PRICKLE2: variants seen among roughly 807,000 people sequenced by gnomAD.
PRICKLE2 encodes the protein prickle-like protein 2.
In PRICKLE2, 21 loss-of-function variants were observed where a neutral mutation model predicts 81.4. The ratio of observed to expected loss-of-function variants is 0.26; its 90% CI spans 0.18 to 0.37. The LOEUF (loss-of-function observed/expected upper bound fraction) is 0.37. Ranked by LOEUF, PRICKLE2 falls within the 10% of genes least tolerant of loss-of-function variation. The pLI is 1.00. For missense variants in PRICKLE2, 940 were observed against 1,109.0 expected (o/e 0.85, Z 2.16); for synonymous variants, 456 against 421.5 (o/e 1.08, Z -1.00).
At chr3:64,219,341 G>C (rs2107146504) in intron 1 of PRICKLE2, among the ~76,000 whole-genome samples, 1 of 152,270 alleles carries the variant, frequency 6.6e-6, no homozygotes, top group East Asian at 1.9e-4. Flanking sequence ...ATTTTAGTTA[G>C]AACCTGATGT....
chr3:64,104,140 A>C (rs1304368220), intron 7 of PRICKLE2, among the ~76,000 whole-genome samples: 2 of 152,254 alleles, frequency 1.3e-5, no homozygotes, highest in East Asian at 3.8e-4. Flanking sequence ...TCAGGGCAAT[A>C]GCAGCTGGGG....
intron 1 of PRICKLE2, among the ~76,000 whole-genome samples, chr3:64,214,051 C>T (rs1434378383): frequency 6.6e-6 from 1 of 152,146 alleles, no homozygotes; most frequent in Middle Eastern, 3.2e-3. Context: ...TATTAGGCCG[C>T]CTTTCATCCA....
At chr3:64,243,925 T>C (rs953247591) in intron 2 of PRICKLE2, among the ~76,000 whole-genome samples, 1 of 152,204 alleles carries the variant, frequency 6.6e-6, no homozygotes, top group African/African-American at 2.4e-5. Flanking sequence ...GTGAGCCTCC[T>C]AGTATGTTAT....
At chr3:64,183,208 C>T (rs1181235005) in intron 2 of PRICKLE2, among the ~76,000 whole-genome samples, 2 of 151,970 alleles carry the variant, frequency 1.3e-5, no homozygotes, top group African/African-American at 4.8e-5. Context: ...TACAATTAGG[C>T]AAGATATAAA....
intron 7 of PRICKLE2, among the ~76,000 whole-genome samples, chr3:64,130,431 C>T (rs1036743362): frequency 1.1e-4 from 16 of 152,188 alleles, no homozygotes; most frequent in Non-Finnish European, 1.0e-4. Context: ...GTCTATCTAA[C>T]GCTCAAGATC....
intron 7 of PRICKLE2, among the ~76,000 whole-genome samples, chr3:64,107,180 C>T (rs763159604): frequency 3.3e-5 from 5 of 152,060 alleles, no homozygotes; most frequent in Non-Finnish European, 7.4e-5. Flanking sequence ...GCATCCAATT[C>T]AGCCTGTGGT....
intron 7 of PRICKLE2, among the ~76,000 whole-genome samples, chr3:64,112,679 G>T (rs1028253063): frequency 6.6e-6 from 1 of 152,154 alleles, no homozygotes; most frequent in Non-Finnish European, 1.5e-5. Context: ...TTAAACTAAA[G>T]AGCTTCTGCA....
intron 4 of PRICKLE2, 53 bp downstream of exon 4, chr3:64,159,887 G>A (rs1255184759): frequency 6.2e-7 from 1 of 1,608,616 alleles, no homozygotes; most frequent in East Asian, 2.2e-5. Flanking sequence ...ATGAATGAAT[G>A]GGTGAAAAGA....
intron 1 of PRICKLE2, chr3:64,199,256 G>A: frequency 1.8e-6 from 1 of 549,346 alleles, no homozygotes; most frequent in South Asian, 2.2e-5. Context: ...CAAGAGGAAT[G>A]GTAATATAGT....
intron 2 of PRICKLE2, among the ~76,000 whole-genome samples, chr3:64,249,624 T>C (rs2079414725): frequency 6.6e-6 from 1 of 152,216 alleles, no homozygotes; most frequent in South Asian, 2.1e-4. Flanking sequence ...AAAAATGATG[T>C]GAAGACTCCA....
At chr3:64,231,473 G>T (rs1043402071) in intron 2 of PRICKLE2, among the ~76,000 whole-genome samples, 4 of 151,902 alleles carry the variant, frequency 2.6e-5, no homozygotes, top group African/African-American at 9.7e-5. Context: ...AAAGGACTAG[G>T]AGAACAACAA....
At position 64,256,477 on chromosome 3, in the gene PRICKLE2, C is replaced by T. The variant is rs2079527230; in HGVS notation, c.129-57510G>A. On this transcript the variant is annotated intron_variant, in intron 2 of 8. Transcript: ENST00000295902. ...GATTTTGCCTCTTGACTTGCATAAC[C>T]TAAAACATTTACTATTTGGCTCTAC... Among the ~76,000 whole-genome samples, 5 of 151,974 alleles carry T rather than the reference C, an allele frequency of 3.3e-5. 1 individual carries two copies. The highest frequency in any genetic ancestry group is 3.3e-4 in the Admixed American group (5 of 15,268).
intron 7 of PRICKLE2, among the ~76,000 whole-genome samples, chr3:64,122,906 G>A (rs188550298): frequency 1.3e-5 from 2 of 152,196 alleles, no homozygotes; most frequent in African/African-American, 2.4e-5. Flanking sequence ...ACCTGGAAGA[G>A]AGGGAGGAAC....
intron 7 of PRICKLE2, among the ~76,000 whole-genome samples, chr3:64,133,917 T>C (rs1241407975): frequency 6.6e-6 from 1 of 152,194 alleles, no homozygotes; most frequent in South Asian, 2.1e-4. Flanking sequence ...CTTCTATCCC[T>C]TTCTATTAGA....
intron 2 of PRICKLE2, among the ~76,000 whole-genome samples, chr3:64,247,775 C>G (rs2079379518): frequency 6.6e-6 from 1 of 152,196 alleles, no homozygotes; most frequent in East Asian, 1.9e-4. Context: ...GACTTCATGA[C>G]AACTTAAATT....
At chr3:64,108,440 T>C (rs936546425) in intron 7 of PRICKLE2, among the ~76,000 whole-genome samples, 1 of 152,114 alleles carries the variant, frequency 6.6e-6, no homozygotes. Context: ...GATACTGTCA[T>C]CTGGGCAGTG....
At chr3:64,258,741 A>G (rs1323305989) in intron 2 of PRICKLE2, among the ~76,000 whole-genome samples, 3 of 147,540 alleles carry the variant, frequency 2.0e-5, no homozygotes, top group Non-Finnish European at 3.0e-5. Context: ...GGAGAATGGC[A>G]CGAACCCGGG....
rs989320203 is a variant in PRICKLE2 at position 64,225,279 on chromosome 3, A to T, written c.-410T>A. 12 of 985,334 alleles carry T rather than the reference A, an allele frequency of 1.2e-5. No individual in the cohort carries two copies. The African/African-American group carries it at 2.1e-4, about 17-fold the overall frequency. The allele number at this position is 985,334 out of a possible 1,614,324, so 61.0% of individuals were successfully genotyped here. ...TTCCTCTTAACTCCCCTTCTTCATG[A>T]CAATCTGAAGGAAGAAGTCATAGAC... On this transcript the variant is annotated 5_prime_UTR_variant, in exon 1 of 8. Transcript: ENST00000638394.
intron 2 of PRICKLE2, among the ~76,000 whole-genome samples, chr3:64,185,180 G>T (rs1314087144): frequency 6.6e-6 from 1 of 152,100 alleles, no homozygotes; most frequent in African/African-American, 2.4e-5. Context: ...ACCAAACACT[G>T]GATCCAGTGA....
Sources: gnomAD v4.1 joint callset for allele counts (sites outside exome capture counted in the v4.1 genomes callset) on GRCh38, gnomAD v4.1.1 for gene constraint, MANE v1.5 for transcripts, NCBI Gene and HGNC (gene_info 2026-07-23, HGNC 2026-07-21) for gene names.